PLOD2: variants seen among roughly 807,000 people sequenced by gnomAD.
PLOD2 encodes lysine hydroxylase 2.
PLOD2 carries 65 observed loss-of-function variants against 101.0 expected under a neutral mutation model. That is an observed-to-expected ratio of 0.64 (90% CI 0.53 to 0.79). The LOEUF (loss-of-function observed/expected upper bound fraction) is 0.79. Among genes scored for constraint, PLOD2 ranks in the 30% least tolerant of loss-of-function variants. PLOD2 has a pLI of 0.00. For synonymous variants in PLOD2, 314 were observed against 302.9 expected, an observed-to-expected ratio of 1.04 and a Z score of -0.38; for missense variants, 909 against 914.6, an observed-to-expected ratio of 0.99 and a Z score of 0.08.
chr3:146,155,435 A>T (rs1393172153), intron 1 of PLOD2, among the ~76,000 whole-genome samples: 1 of 152,006 alleles, frequency 6.6e-6, no homozygotes, highest in Non-Finnish European at 1.5e-5. Context: ...TTCATTGGCC[A>T]GGCGCGGTGG....
rs199780952 is a variant in PLOD2, at chr3:146,124,203, T to C, written c.136A>G (p.Thr46Ala). The C allele has an allele frequency of 1.3e-6, 2 of 1,592,084 alleles. No homozygotes were observed. Among genetic ancestry groups the C allele is most frequent in the East Asian group, 2.2e-5 (1 of 44,662 alleles). ...CGATGGAATCCATCACTTTCTTTTG[T>C]TGCTACAGTTATGACTAATAATTTA... ...TDKLLVITVA[T>A]KESDGFHRFM... The change falls in exon 2 of 20, where the codon ACA (threonine) becomes GCA (alanine). Residue 46 changes from threonine (T) to alanine (A), a missense_variant. By Grantham distance (58) the Thr-to-Ala change is moderately conservative. Coordinates refer to ENST00000282903, the MANE Select transcript of PLOD2 (RefSeq NM_182943.3).
intron 1 of PLOD2, among the ~76,000 whole-genome samples, chr3:146,148,333 G>GGCAC (rs1229799629): frequency 0.014 from 730 of 52,836 alleles, 2 homozygotes; most frequent in South Asian, 0.032. Context: ...CAGGCAGGCA[G>GGCAC]GCACGCACAC....
At chr3:146,079,054 C>A in intron 13 of PLOD2, 62 bp downstream of exon 13, 4 of 1,534,062 alleles carry the variant, frequency 2.6e-6, no homozygotes, top group Non-Finnish European at 3.6e-6. Flanking sequence ...CAGTGACACA[C>A]CAACTGGTAA....
intron 1 of PLOD2, among the ~76,000 whole-genome samples, chr3:146,134,324 G>A (rs546687942): frequency 6.6e-6 from 1 of 152,132 alleles, no homozygotes; most frequent in African/African-American, 2.4e-5. Context: ...CCATTTTCCA[G>A]AATTTATGAC....
intron 15 of PLOD2, among the ~76,000 whole-genome samples, chr3:146,074,262 A>C (rs1295396328): frequency 6.6e-6 from 1 of 151,644 alleles, no homozygotes; most frequent in Non-Finnish European, 1.5e-5. Flanking sequence ...TCTGAAATTT[A>C]GAATATTTCT....
At chr3:146,127,975 A>G (rs909814719) in intron 1 of PLOD2, among the ~76,000 whole-genome samples, 1 of 152,184 alleles carries the variant, frequency 6.6e-6, no homozygotes, top group African/African-American at 2.4e-5. Context: ...ATAACTAAAA[A>G]TATAGAATTC....
intron 7 of PLOD2, among the ~76,000 whole-genome samples, chr3:146,093,697 T>C (rs1417211220): frequency 6.6e-6 from 1 of 152,162 alleles, no homozygotes; most frequent in African/African-American, 2.4e-5. Context: ...CTAAAATCTC[T>C]ATTATATATA....
rs753043092 is a variant in PLOD2 at position 146,097,795 on chromosome 3, T to TAAAA, written c.777+4956_777+4959dup. ...GCGAGAAACACCCAAGAATGATCAA[T>TAAAA]AAAAAAAAAATAATAATAATAATAA... On this transcript the variant is annotated intron_variant, in intron 7 of 19. Coordinates refer to ENST00000282903, the MANE Select transcript of PLOD2 (RefSeq NM_182943.3). 2.1e-3 allele frequency among the ~76,000 whole-genome samples: 270 copies of TAAAA among 127,056 alleles called. 1 individual carries two copies. Among genetic ancestry groups the TAAAA allele is most frequent in the Admixed American group, 0.011 (139 of 12,570 alleles). 83.4% of individuals were successfully genotyped at this position (127,056 alleles called of 152,430 possible).
intron 1 of PLOD2, among the ~76,000 whole-genome samples, chr3:146,128,836 C>T (rs1206554940): frequency 4.0e-5 from 6 of 149,668 alleles, no homozygotes; most frequent in African/African-American, 1.5e-4. Flanking sequence ...CTAATATATC[C>T]TGTCACCAAA....
chr3:146,141,816 A>G (rs955582663), intron 1 of PLOD2, among the ~76,000 whole-genome samples: 1 of 152,122 alleles, frequency 6.6e-6, no homozygotes, highest in African/African-American at 2.4e-5. Context: ...ACAATTTAAA[A>G]TGGAAACTGC....
Position 146,102,750 on chromosome 3 carries a change from CT to C in PLOD2, c.777+4del. ...ATTGGCCAAATAAAAGTAACTGTTA[CT>C]TACCTTGGTGGGTCCATTTCCATTA... On this transcript the variant is annotated splice_donor_region_variant and intron_variant, in intron 7 of 19. Coordinates refer to ENST00000282903, the MANE Select transcript of PLOD2 (RefSeq NM_182943.3). 1 of 1,434,968 alleles carries C rather than the reference CT, an allele frequency of 7.0e-7. No homozygotes were observed. The highest frequency in any genetic ancestry group is 9.8e-7 in the Non-Finnish European group (1 of 1,016,572). 88.9% of individuals were successfully genotyped at this position (1,434,968 alleles called of 1,614,324 possible).
At chr3:146,081,682 G>A in intron 12 of PLOD2, 56 bp downstream of exon 12, 1 of 1,460,494 alleles carries the variant, frequency 6.8e-7, no homozygotes. Context: ...ATACTAACAA[G>A]ACTACATCTT....
chr3:146,133,383 A>G (rs750018866), intron 1 of PLOD2, among the ~76,000 whole-genome samples: 2 of 152,196 alleles, frequency 1.3e-5, no homozygotes, highest in African/African-American at 4.8e-5. Flanking sequence ...TCATTAATAC[A>G]TACATATGAA....
chr3:146,073,248 C>T (rs752394879), intron 16 of PLOD2, 39 bp downstream of exon 16: 20 of 803,178 alleles, frequency 2.5e-5, no homozygotes, highest in Admixed American at 2.0e-4. Context: ...TGGAAAATAA[C>T]AGCAAAATTT....
At chr3:146,110,993 C>A (rs1469121382) in intron 3 of PLOD2, among the ~76,000 whole-genome samples, 1 of 151,862 alleles carries the variant, frequency 6.6e-6, no homozygotes, top group African/African-American at 2.4e-5. Flanking sequence ...TTTTAAAGCT[C>A]AATACACTTG....
intron 3 of PLOD2, among the ~76,000 whole-genome samples, chr3:146,120,726 T>G (rs1008211407): frequency 1.3e-5 from 2 of 152,104 alleles, no homozygotes; most frequent in Non-Finnish European, 2.9e-5. Context: ...AATAATTCCT[T>G]GTCAATAATT....
rs994256389 is a variant in PLOD2, at chr3:146,128,855, C to G, written c.110-4626G>C. On this transcript the variant is annotated intron_variant, in intron 1 of 19. Transcript: ENST00000282903. ...TATATCCTGTCACCAAATGCTAAAG[C>G]AGCTTCTGAAGTCCATCTGAAATCC... Among the ~76,000 whole-genome samples, 26 of 144,702 alleles carry G rather than the reference C, an allele frequency of 1.8e-4. 1 individual carries two copies. Among genetic ancestry groups the G allele is most frequent in the East Asian group, 6.1e-4 (3 of 4,934 alleles). 94.9% of individuals were successfully genotyped at this position (144,702 alleles called of 152,430 possible). A position where few individuals can be genotyped will look rare whatever the true frequency, so the allele number is the denominator to read the frequency against.
intron 1 of PLOD2, among the ~76,000 whole-genome samples, chr3:146,124,911 T>C (rs2030461850): frequency 6.6e-6 from 1 of 152,140 alleles, no homozygotes; most frequent in Admixed American, 6.5e-5. Flanking sequence ...TAATGAAATA[T>C]TACTTTCAAT....
intron 3 of PLOD2, among the ~76,000 whole-genome samples, chr3:146,113,977 A>C (rs1446675686): frequency 1.3e-5 from 2 of 152,108 alleles, no homozygotes; most frequent in Non-Finnish European, 2.9e-5. Context: ...GTAGGTCTCT[A>C]AAATGGCCGC....
Sources: allele counts gnomAD v4.1 joint callset (sites outside exome capture counted in the v4.1 genomes callset), GRCh38; gene constraint gnomAD v4.1.1; transcripts MANE v1.5; gene names NCBI Gene and HGNC (gene_info 2026-07-23, HGNC 2026-07-21).